OPCML: variants seen among roughly 807,000 people sequenced by gnomAD.
OPCML encodes the protein opioid binding protein/cell adhesion molecule like.
A neutral mutation model predicts 37.8 loss-of-function variants in OPCML; 13 were observed. That is an observed-to-expected ratio of 0.34 (90% confidence interval 0.22 to 0.55). OPCML has a LOEUF of 0.55. Among genes scored for constraint, OPCML ranks in the 20% least tolerant of loss-of-function variants. The pLI is 0.91. For missense variants in OPCML, 341 were observed against 435.6 expected, an observed-to-expected ratio of 0.78 and a Z score of 1.93; for synonymous variants, 176 against 168.8, an observed-to-expected ratio of 1.04 and a Z score of -0.33.
At chr11:132,833,411 C>T (rs926424689) in intron 2 of OPCML, among the ~76,000 whole-genome samples, 5 of 152,196 alleles carry the variant, frequency 3.3e-5, no homozygotes, top group African/African-American at 4.8e-5. Context: ...GGCAATAACA[C>T]GCATGGAGCT....
chr11:132,582,090 T>C (rs2096463141), intron 3 of OPCML, among the ~76,000 whole-genome samples: 1 of 146,066 alleles, frequency 6.8e-6, no homozygotes, highest in Admixed American at 7.1e-5. Flanking sequence ...ATGGGACAAC[T>C]ATTCACACAT....
At chr11:132,763,554 T>G (rs1407552628) in intron 2 of OPCML, among the ~76,000 whole-genome samples, 1 of 152,182 alleles carries the variant, frequency 6.6e-6, no homozygotes, top group African/African-American at 2.4e-5. Flanking sequence ...AAAAGCTATC[T>G]GGGGGCATCT....
intron 2 of OPCML, among the ~76,000 whole-genome samples, chr11:132,795,037 T>C (rs1229879103): frequency 6.6e-6 from 1 of 151,226 alleles, no homozygotes; most frequent in Non-Finnish European, 1.5e-5. Flanking sequence ...TTTAGAAGAG[T>C]GGTAAACTCT....
At chr11:133,229,240 G>T (rs76463586) in intron 1 of OPCML, among the ~76,000 whole-genome samples, 4,224 of 152,314 alleles carry the variant, frequency 0.028, 72 homozygotes, top group East Asian at 0.1. Flanking sequence ...TTGGAGGGCA[G>T]CTCTGAACCA....
At chr11:133,280,777 A>T (rs1289868772) in intron 1 of OPCML, among the ~76,000 whole-genome samples, 1 of 152,226 alleles carries the variant, frequency 6.6e-6, no homozygotes, top group East Asian at 1.9e-4. Context: ...TTGATCCATT[A>T]TATCGGCAAG....
At chr11:133,256,255 G>A (rs1941310041) in intron 1 of OPCML, among the ~76,000 whole-genome samples, 2 of 152,180 alleles carry the variant, frequency 1.3e-5, no homozygotes, top group South Asian at 4.1e-4. Context: ...AGTTCATCTG[G>A]GCTTTGCCAC....
At chr11:133,371,462 C>T (rs1480739681) in intron 1 of OPCML, among the ~76,000 whole-genome samples, 1 of 152,174 alleles carries the variant, frequency 6.6e-6, no homozygotes, top group Non-Finnish European at 1.5e-5. Context: ...AAATTGTAAT[C>T]CCCACGTGTT....
chr11:133,356,799 G>A (rs1418459916), intron 1 of OPCML, among the ~76,000 whole-genome samples: 1 of 152,218 alleles, frequency 6.6e-6, no homozygotes, highest in Non-Finnish European at 1.5e-5. Flanking sequence ...TGGAACCTCA[G>A]AGTCTCATCC....
chr11:133,413,499 AT>A (rs1056770420), intron 1 of OPCML, among the ~76,000 whole-genome samples: 19 of 151,644 alleles, frequency 1.3e-4, no homozygotes, highest in African/African-American at 3.6e-4. Context: ...AAATAAATAA[AT>A]AAATATATAA....
intron 3 of OPCML, among the ~76,000 whole-genome samples, chr11:132,592,346 G>A (rs956746099): frequency 1.9e-4 from 29 of 152,262 alleles, no homozygotes; most frequent in Admixed American, 1.8e-3. Flanking sequence ...GAGATCTGTG[G>A]GGAAAAATTA....
intron 1 of OPCML, among the ~76,000 whole-genome samples, chr11:133,442,760 T>TGTGG (rs1449858666): frequency 3.3e-5 from 5 of 151,648 alleles, no homozygotes; most frequent in Admixed American, 6.6e-5. Context: ...TGTGTGTGTG[T>TGTGG]GTGTGTCTTT....
intron 3 of OPCML, among the ~76,000 whole-genome samples, chr11:132,598,676 A>C (rs2137757603): frequency 6.6e-6 from 1 of 152,316 alleles, no homozygotes; most frequent in East Asian, 1.9e-4. Context: ...CATGGAGAGA[A>C]GTGCAATGAG....
In OPCML at chr11:133,102,413, G is replaced by C. The variant is rs148246675; in HGVS notation, c.62-159403C>G. On this transcript the variant is annotated intron_variant, in intron 1 of 7. Coordinates refer to ENST00000524381, the MANE Select transcript of OPCML (RefSeq NM_001012393.5). ...GAGAATTGTTCTCAGGATGAGACAA[G>C]CTCTTAAACATCTACTATTCTGGGA... Among the ~76,000 whole-genome samples, 801 of 152,276 alleles carry C rather than the reference G, an allele frequency of 5.3e-3. 5 individuals are homozygous for C. Among genetic ancestry groups the C allele is most frequent in the African/African-American group, 0.018 (735 of 41,560 alleles).
chr11:133,160,083 T>C (rs1045373265), intron 1 of OPCML, among the ~76,000 whole-genome samples: 3 of 152,354 alleles, frequency 2.0e-5, no homozygotes, highest in East Asian at 1.9e-4. Flanking sequence ...ATGTGCTCTA[T>C]TACCTTTTTC....
Position 133,060,072 on chromosome 11 carries a change from G to A in OPCML, c.62-117062C>T, listed in dbSNP as rs184542905. Among the ~76,000 whole-genome samples the A allele has an allele frequency of 4.9e-3, 746 of 152,156 alleles. 5 individuals carry two copies. Among genetic ancestry groups the A allele is most frequent in the Non-Finnish European group, 7.8e-3 (528 of 68,008 alleles). On this transcript the variant is annotated intron_variant, in intron 1 of 7. Transcript: ENST00000524381. ...ACTTTCCATCAGATATTTTAAGGCCGTTCCTTTCTCTGGATCTCATGCTAC... is the reference window on the plus strand; with the variant it reads ...ACTTTCCATCAGATATTTTAAGGCCATTCCTTTCTCTGGATCTCATGCTAC...
chr11:133,153,520 G>C (rs1016753325), intron 1 of OPCML, among the ~76,000 whole-genome samples: 2 of 152,140 alleles, frequency 1.3e-5, no homozygotes, highest in African/African-American at 4.8e-5. Flanking sequence ...TTGCTACAAA[G>C]CTCTCTGCAC....
At chr11:133,358,185 A>G (rs1944334487) in intron 1 of OPCML, among the ~76,000 whole-genome samples, 1 of 152,250 alleles carries the variant, frequency 6.6e-6, no homozygotes, top group African/African-American at 2.4e-5. Context: ...TTATCATTTA[A>G]TCTATCTCTG....
chr11:132,791,877 G>C (rs776451974), intron 2 of OPCML, among the ~76,000 whole-genome samples: 1 of 152,196 alleles, frequency 6.6e-6, no homozygotes, highest in East Asian at 1.9e-4. Flanking sequence ...GTTGGAGTCT[G>C]AGCTTCTGGG....
At chr11:132,664,077 C>T (rs1228107953) in intron 2 of OPCML, among the ~76,000 whole-genome samples, 2 of 152,144 alleles carry the variant, frequency 1.3e-5, no homozygotes, top group South Asian at 2.1e-4. Flanking sequence ...CATGATCCGC[C>T]CGCCTCGGCC....
Sources: allele counts gnomAD v4.1 joint callset (sites outside exome capture counted in the v4.1 genomes callset), GRCh38; gene constraint gnomAD v4.1.1; transcripts MANE v1.5; gene names NCBI Gene and HGNC (gene_info 2026-07-23, HGNC 2026-07-21).